The following TRPC4 variants were observed in gnomAD, a reference collection of about 807,000 sequenced individuals.
TRPC4 encodes transient receptor potential cation channel subfamily C member 4.
Under a neutral mutation model 99.4 loss-of-function variants are expected in TRPC4, and 49 were observed. That is an observed-to-expected ratio of 0.49 (90% CI 0.39 to 0.63). The LOEUF is 0.63. TRPC4 is among the 20% of genes least tolerant of loss of function. The pLI is 0.00. For synonymous variants in TRPC4, 454 were observed against 425.9 expected, an observed-to-expected ratio of 1.07 and a Z score of -0.81; for missense variants, 898 against 1,152.9, an observed-to-expected ratio of 0.78 and a Z score of 3.20.
At chr13:37,764,503 A>T (rs1306373334) in intron 2 of TRPC4, among the ~76,000 whole-genome samples, 3 of 151,330 alleles carry the variant, frequency 2.0e-5, no homozygotes, top group Admixed American at 1.3e-4. Context: ...TTTTATGTAG[A>T]CAAATTATCT....
chr13:37,644,606 C>A (rs1011458054), intron 8 of TRPC4, among the ~76,000 whole-genome samples: 31 of 151,898 alleles, frequency 2.0e-4, no homozygotes, highest in Non-Finnish European at 3.1e-4. Flanking sequence ...CGCGGTGGTT[C>A]ACGCCTGTAA....
chr13:37,785,651 A>G (rs1313605794), intron 1 of TRPC4, among the ~76,000 whole-genome samples: 1 of 152,106 alleles, frequency 6.6e-6, no homozygotes, highest in African/African-American at 2.4e-5. Flanking sequence ...TTATGATTCA[A>G]TCAAGGTTAA....
chr13:37,680,848 A>G (rs2138808599), intron 4 of TRPC4, among the ~76,000 whole-genome samples: 1 of 152,350 alleles, frequency 6.6e-6, no homozygotes, highest in Non-Finnish European at 1.5e-5. Flanking sequence ...ATGAATTTAT[A>G]ATTCGGTTGC....
At chr13:37,641,252 T>G (rs990679621) in intron 8 of TRPC4, among the ~76,000 whole-genome samples, 1 of 152,132 alleles carries the variant, frequency 6.6e-6, no homozygotes, top group Non-Finnish European at 1.5e-5. Context: ...GGGAAAAAAC[T>G]TAAAAAATCA....
At chr13:37,748,844 G>C (rs1214111251) in intron 2 of TRPC4, among the ~76,000 whole-genome samples, 6 of 151,786 alleles carry the variant, frequency 4.0e-5, no homozygotes, top group Non-Finnish European at 8.8e-5. Context: ...AAATATGTGA[G>C]AATATACCAA....
At chr13:37,719,804 G>A (rs1003715550) in intron 3 of TRPC4, among the ~76,000 whole-genome samples, 2 of 152,012 alleles carry the variant, frequency 1.3e-5, no homozygotes, top group Non-Finnish European at 2.9e-5. Context: ...ATGTCCATGT[G>A]GATATGCTAT....
intron 1 of TRPC4, among the ~76,000 whole-genome samples, chr13:37,809,259 T>G (rs769258438): frequency 2.0e-5 from 3 of 152,014 alleles, no homozygotes; most frequent in Non-Finnish European, 4.4e-5. Context: ...AAAATTAGAA[T>G]AAGCAAAATA....
At chr13:37,661,121 A>G (rs776311829) in intron 6 of TRPC4, among the ~76,000 whole-genome samples, 7 of 152,364 alleles carry the variant, frequency 4.6e-5, no homozygotes, top group Middle Eastern at 3.4e-3. Flanking sequence ...TATAGTATTT[A>G]AGATATGTAA....
At chr13:37,834,278 A>G (rs1958501127) in intron 1 of TRPC4, among the ~76,000 whole-genome samples, 1 of 152,184 alleles carries the variant, frequency 6.6e-6, no homozygotes. Context: ...CCAAATTCTA[A>G]TTGTTTCCTA....
At chr13:37,746,867 A>G (rs1365738103) in intron 2 of TRPC4, among the ~76,000 whole-genome samples, 3 of 152,132 alleles carry the variant, frequency 2.0e-5, no homozygotes, top group Non-Finnish European at 4.4e-5. Flanking sequence ...TTTTAAACCC[A>G]AGCTCTTTCT....
chr13:37,677,213 A>T (rs1374541475), intron 4 of TRPC4, among the ~76,000 whole-genome samples: 1 of 152,078 alleles, frequency 6.6e-6, no homozygotes, highest in Non-Finnish European at 1.5e-5. Flanking sequence ...ATTTTAAAAT[A>T]TATGAGTAGA....
chr13:37,845,923 A>G (rs1218146158), intron 1 of TRPC4, among the ~76,000 whole-genome samples: 2 of 152,202 alleles, frequency 1.3e-5, no homozygotes, highest in Non-Finnish European at 2.9e-5. Flanking sequence ...TGAAAGCAGC[A>G]AAAGATAAGA....
chr13:37,794,458 T>C (rs549567268), intron 1 of TRPC4, among the ~76,000 whole-genome samples: 2 of 152,230 alleles, frequency 1.3e-5, no homozygotes, highest in South Asian at 4.1e-4. Flanking sequence ...ATAATACTTA[T>C]CCAAAGATTA....
chr13:37,722,101 T>G (rs563690452), intron 3 of TRPC4, among the ~76,000 whole-genome samples: 1 of 152,324 alleles, frequency 6.6e-6, no homozygotes, highest in Admixed American at 6.5e-5. Flanking sequence ...AAATGTCTAT[T>G]TCACAGGTAA....
intron 1 of TRPC4, among the ~76,000 whole-genome samples, chr13:37,811,893 T>G (rs1287986637): frequency 6.6e-6 from 1 of 152,160 alleles, no homozygotes; most frequent in African/African-American, 2.4e-5. Context: ...CCAGGTGTGG[T>G]GGCTCACGCC....
At chr13:37,840,716 T>C (rs190788961) in intron 1 of TRPC4, among the ~76,000 whole-genome samples, 1 of 152,206 alleles carries the variant, frequency 6.6e-6, no homozygotes, top group African/African-American at 2.4e-5. Context: ...CTAACATTAG[T>C]GAACTATAAA....
intron 1 of TRPC4, among the ~76,000 whole-genome samples, chr13:37,849,722 G>C (rs1959006187): frequency 6.6e-6 from 1 of 152,206 alleles, no homozygotes; most frequent in Admixed American, 6.5e-5. Context: ...TCCAGCCTCA[G>C]AATGTTCAGC....
At chr13:37,783,928 G>T (rs986444581) in intron 1 of TRPC4, among the ~76,000 whole-genome samples, 7 of 151,704 alleles carry the variant, frequency 4.6e-5, no homozygotes, top group South Asian at 4.2e-4. Context: ...GGCTGGTCTC[G>T]AACTCCTGGG....
At chr13:37,824,202 A>C (rs1346150226) in intron 1 of TRPC4, among the ~76,000 whole-genome samples, 2 of 150,946 alleles carry the variant, frequency 1.3e-5, no homozygotes, top group African/African-American at 4.9e-5. Context: ...TAGATATAAA[A>C]TCATGTCATC....
Sources: allele counts gnomAD v4.1 joint callset (sites outside exome capture counted in the v4.1 genomes callset), GRCh38; gene constraint gnomAD v4.1.1; transcripts MANE v1.5; gene names NCBI Gene and HGNC (gene_info 2026-07-23, HGNC 2026-07-21).